The following BCL2L12 variants were observed in gnomAD, a reference collection of about 807,000 sequenced individuals.
BCL2L12 encodes BCL2 like 12.
In BCL2L12, 27 loss-of-function variants were observed where a neutral mutation model predicts 25.7. That is an observed-to-expected ratio of 1.05 (90% CI 0.78 to 1.45). The LOEUF is 1.45. Among genes scored for constraint, BCL2L12 ranks in the 40% most tolerant of loss-of-function variants. BCL2L12 has a pLI of 0.00. For synonymous variants in BCL2L12, 132 were observed against 145.6 expected, an observed-to-expected ratio of 0.91 and a Z score of 0.67; for missense variants, 302 against 329.8, an observed-to-expected ratio of 0.92 and a Z score of 0.65.
chr19:49,666,575 C>T (rs1381630462), intron 1 of BCL2L12, 110 bp from the exon 2 acceptor site: 1 of 758,732 alleles, frequency 1.3e-6, no homozygotes, highest in East Asian at 2.7e-5. Flanking sequence ...TCCAAAGGAC[C>T]CAGGAGTCCA....
chr19:49,673,803 G>A lies in BCL2L12; in HGVS notation c.*55G>A. The A allele has an allele frequency of 6.2e-7, 1 of 1,600,464 alleles. No individual in the cohort carries two copies. Among genetic ancestry groups the A allele is most frequent in the Admixed American group, 1.7e-5 (1 of 59,900 alleles). The stretch of plus-strand genomic sequence containing the variant: ...CACCTCATGTCCCTGCCCTCTTCGT[G>A]TGCTTTTCCAAGTCTTCCTATTCCA... On this transcript the variant is annotated 3_prime_UTR_variant, in exon 7 of 7. Coordinates refer to ENST00000246784, the MANE Select transcript of BCL2L12 (RefSeq NM_138639.2).
intron 5 of BCL2L12, among the ~76,000 whole-genome samples, chr19:49,669,530 T>C (rs1443918046): frequency 1.3e-5 from 2 of 149,086 alleles, no homozygotes; most frequent in East Asian, 2.0e-4. Flanking sequence ...AGTGAGACTC[T>C]GTCTTTAAAA....
In BCL2L12 at chr19:49,672,999, TG is replaced by T. The variant is rs1319842026; in HGVS notation, c.703-695del. On this transcript the variant is annotated intron_variant, in intron 6 of 6. Coordinates refer to ENST00000246784, the MANE Select transcript of BCL2L12 (RefSeq NM_138639.2). The surrounding 1 kb of genome is among the most constrained non-coding windows in gnomAD (Gnocchi z 4.1). ...TCCCTGCCTCAGCCTCCTGAGTAGC[TG>T]GGGTTACAGGCGCACACCACCATGT... Among the ~76,000 whole-genome samples the T allele has an allele frequency of 6.6e-6, 1 of 152,174 alleles. No individual in the cohort carries two copies. The highest frequency in any genetic ancestry group is 2.4e-5 in the African/African-American group (1 of 41,436).
At chr19:49,666,613 C>G (rs2081779082) in intron 1 of BCL2L12, 72 bp from the exon 2 acceptor site, 1 of 1,220,260 alleles carries the variant, frequency 8.2e-7, no homozygotes, top group Non-Finnish European at 1.1e-6. Flanking sequence ...TTGGGACTCA[C>G]AAGTCCTGGT....
chr19:49,665,457 A>C, upstream of BCL2L12: 1 of 197,338 alleles, frequency 5.1e-6, no homozygotes, highest in South Asian at 9.6e-5. Context: ...TTTCCTCCCT[A>C]CTTTTTCTAG....
At chr19:49,668,177 C>A (rs2081865514) in intron 3 of BCL2L12, among the ~76,000 whole-genome samples, 1 of 150,154 alleles carries the variant, frequency 6.7e-6, no homozygotes, top group African/African-American at 2.5e-5. Flanking sequence ...CTCACCACAA[C>A]CTCTACCTCC....
At chr19:49,667,226 C>A in intron 3 of BCL2L12, 65 bp downstream of exon 3, 1 of 1,581,294 alleles carries the variant, frequency 6.3e-7, no homozygotes. Flanking sequence ...AGTTTAAGAT[C>A]ACTCAGCTAG....
In BCL2L12 at chr19:49,669,081, T is replaced by C; in HGVS notation, c.395T>C (p.Leu132Pro). The change falls in exon 5 of 7, where the codon CTG (leucine) becomes CCG (proline). Residue 132 changes from leucine to proline, a missense_variant. Physicochemically the swap from Leu to Pro is moderately conservative, Grantham distance 98 (BLOSUM62 -3). Transcript: ENST00000246784. Reference sequence around the variant, plus strand: ...GCCATACTGCGGAGGCTGGTGGCCCTGCTGGAGGAGGAGGCAGAAGTCATT... The same window carrying C: ...GCCATACTGCGGAGGCTGGTGGCCCCGCTGGAGGAGGAGGCAGAAGTCATT... ...KEAILRRLVA[L>P]LEEEAEVINQ... The C allele has an allele frequency of 6.2e-7, 1 of 1,614,140 alleles. No individual in the cohort carries two copies. The highest frequency in any genetic ancestry group is 8.5e-7 in the Non-Finnish European group (1 of 1,180,016).
At chr19:49,673,157 G>A (rs531119507) in intron 6 of BCL2L12, among the ~76,000 whole-genome samples, 210 of 151,980 alleles carry the variant, frequency 1.4e-3, no homozygotes, top group Non-Finnish European at 2.5e-3. Flanking sequence ...GAGCTACCAC[G>A]CCTGGACAAT....
chr19:49,668,938 G>T lies in BCL2L12; in HGVS notation c.337+1G>T. ...CAGCTGAAATCTCCGCCCAGCCCAG[G>T]TGAGGCACAGAGGAGCCCCAGAGAA... On this transcript the variant is annotated splice_donor_variant, in intron 4 of 6. Transcript: ENST00000246784. LOFTEE classifies it high-confidence loss of function. 6.2e-7 allele frequency: 1 copy of T among 1,614,020 alleles called. No individual in the cohort carries two copies. The highest frequency in any genetic ancestry group is 8.5e-7 in the Non-Finnish European group (1 of 1,179,932).
chr19:49,668,709 G>A, intron 3 of BCL2L12, 142 bp from the exon 4 acceptor site: 1 of 848,956 alleles, frequency 1.2e-6, no homozygotes, highest in South Asian at 1.9e-5. Flanking sequence ...AGAATTGCGA[G>A]ACTCCGTTTC....
In BCL2L12 at chr19:49,668,860, C is replaced by T. The variant is rs755806997; in HGVS notation, c.260C>T (p.Thr87Ile). Residue 87 changes from threonine (T) to isoleucine (I), a missense_variant, in exon 4 of 7, where the codon ACT (threonine) becomes ATT (isoleucine). Thr to Ile is a moderately conservative substitution (Grantham distance 89). Coordinates refer to ENST00000246784, the MANE Select transcript of BCL2L12 (RefSeq NM_138639.2). ...PCYGLEPGPA[T>I]PDFYALVAQR... ...ACTCTTTTCACCCCAGGCCCAGCTACTCCAGACTTCTATGCTTTGGTGGCC... is the reference window on the plus strand; with the variant it reads ...ACTCTTTTCACCCCAGGCCCAGCTATTCCAGACTTCTATGCTTTGGTGGCC... The T allele has an allele frequency of 2.9e-5, 46 of 1,612,672 alleles. No individual in the cohort carries two copies. The highest frequency in any genetic ancestry group is 3.9e-5 in the Non-Finnish European group (46 of 1,179,904).
At chr19:49,670,941 C>T (rs1487980376) in intron 6 of BCL2L12, among the ~76,000 whole-genome samples, 1 of 151,818 alleles carries the variant, frequency 6.6e-6, no homozygotes, top group African/African-American at 2.4e-5. Context: ...AGGTGGATCA[C>T]CTGAGGTCAG....
At position 49,672,620 on chromosome 19, in the gene BCL2L12, T is replaced by C. The variant is rs896049107; in HGVS notation, c.703-1078T>C. Among the ~76,000 whole-genome samples, 1 of 151,934 alleles carries C rather than the reference T, an allele frequency of 6.6e-6. No homozygotes were observed. Among genetic ancestry groups the C allele is most frequent in the Non-Finnish European group, 1.5e-5 (1 of 67,994 alleles). On this transcript the variant is annotated intron_variant, in intron 6 of 6. Coordinates refer to ENST00000246784, the MANE Select transcript of BCL2L12 (RefSeq NM_138639.2). This position sits in a 1 kb window ranked among gnomAD's most constrained non-coding sequence, Gnocchi z 4.1. ...CGGGGGCGGTGGAGAATGCTGGATT[T>C]AACTTAGCGGTGAAGCTGACAGATT...
chr19:49,665,702 A>T, upstream of BCL2L12: 1 of 1,349,338 alleles, frequency 7.4e-7, no homozygotes, highest in Non-Finnish European at 1.0e-6. Context: ...TAGCTCTCAA[A>T]CTCGAGGCTG....
upstream of BCL2L12, chr19:49,665,680 T>G: frequency 8.6e-7 from 1 of 1,164,972 alleles, no homozygotes; most frequent in Non-Finnish European, 1.2e-6. Flanking sequence ...ACCCCTGTCT[T>G]GGAGCTCCGG....
chr19:49,667,224 A>G (rs1386965107), intron 3 of BCL2L12, 63 bp downstream of exon 3: 3 of 1,583,426 alleles, frequency 1.9e-6, no homozygotes, highest in African/African-American at 1.3e-5. Flanking sequence ...CTAGTTTAAG[A>G]TCACTCAGCT....
chr19:49,669,035 C>T lies in BCL2L12; in HGVS notation c.349C>T (p.Pro117Ser). Residue 117 changes from proline (P) to serine (S), a missense_variant, in exon 5 of 7, where the codon CCC becomes TCC. Transcript: ENST00000246784. ...KSPPSPELQG[P>S]PSTEKEAILR... The stretch of plus-strand genomic sequence containing the variant: ...TCTTCTGCCTCCAGAATTACAGGGT[C>T]CCCCATCGACAGAGAAGGAAGCCAT... 1 of 1,614,044 alleles carries T rather than the reference C, an allele frequency of 6.2e-7. No individual in the cohort carries two copies. Among genetic ancestry groups the T allele is most frequent in the Non-Finnish European group, 8.5e-7 (1 of 1,179,976 alleles).
intron 6 of BCL2L12, among the ~76,000 whole-genome samples, chr19:49,671,798 G>A (rs755148919): frequency 5.3e-5 from 8 of 152,142 alleles, no homozygotes; most frequent in Non-Finnish European, 7.4e-5. Context: ...TGCCTGCCAG[G>A]ATGCCCTCCC....
Sources: gnomAD v4.1 joint callset for allele counts (sites outside exome capture counted in the v4.1 genomes callset) on GRCh38, gnomAD v4.1.1 for gene constraint, Gnocchi (gnomAD v3.1) non-coding constraint, MANE v1.5 for transcripts, NCBI Gene and HGNC (gene_info 2026-07-23, HGNC 2026-07-21) for gene names.